GALNT13: variants seen among roughly 807,000 people sequenced by gnomAD.
The protein encoded by GALNT13 is UDP-GalNAc:polypeptide N-acetylgalactosaminyltransferase 13.
A neutral mutation model predicts 64.2 loss-of-function variants in GALNT13; 28 were observed. The observed-to-expected ratio is 0.44, with a 90% confidence interval of 0.32 to 0.60. GALNT13 has a LOEUF of 0.60. Ranked by LOEUF, GALNT13 falls within the 20% of genes least tolerant of loss-of-function variation. GALNT13 has a pLI of 0.05. For synonymous variants in GALNT13, 214 were observed against 224.6 expected (o/e 0.95, Z 0.42); for missense variants, 577 against 669.8 (o/e 0.86, Z 1.53).
the GALNT13 span, among the ~76,000 whole-genome samples, chr2:153,405,932 G>A: frequency 2.6e-5 from 4 of 152,158 alleles, no homozygotes; most frequent in African/African-American, 9.6e-5. Context: ...CAGAGTTAGA[G>A]AGCGCTTCGT....
the GALNT13 span, among the ~76,000 whole-genome samples, chr2:153,538,334 T>C: frequency 6.9e-6 from 1 of 145,416 alleles, no homozygotes; most frequent in Non-Finnish European, 1.5e-5. Flanking sequence ...TTCTTTTTTT[T>C]TTTTTTTTTA....
the GALNT13 span, among the ~76,000 whole-genome samples, chr2:153,166,673 T>A: frequency 2.6e-5 from 2 of 76,086 alleles, no homozygotes; most frequent in African/African-American, 1.2e-4. Context: ...GTGTGTGTGA[T>A]GGGACTGTTT....
At chr2:153,505,686 A>C in the GALNT13 span, among the ~76,000 whole-genome samples, 3 of 152,016 alleles carry the variant, frequency 2.0e-5, no homozygotes, top group Non-Finnish European at 4.4e-5. Context: ...GTTAGGAGTT[A>C]ATTTCCAATT....
the GALNT13 span, among the ~76,000 whole-genome samples, chr2:153,648,788 A>T: frequency 1.2e-4 from 19 of 152,062 alleles, no homozygotes; most frequent in Admixed American, 5.9e-4. Context: ...GCGTATGTTG[A>T]ACCAGCCTTG....
chr2:154,151,113 G>T (rs1459312477), intron 4 of GALNT13, among the ~76,000 whole-genome samples: 1 of 152,158 alleles, frequency 6.6e-6, no homozygotes, highest in Non-Finnish European at 1.5e-5. Context: ...GCGTCCCAGA[G>T]ATTCTGGTAT....
intron 9 of GALNT13, among the ~76,000 whole-genome samples, chr2:154,360,694 T>A (rs1524916): frequency 0.64 from 97,882 of 151,952 alleles, 32,030 homozygotes; most frequent in East Asian, 0.75. Context: ...ATTCAGTATA[T>A]CTTTATTGAG....
At chr2:153,334,998 A>C in the GALNT13 span, among the ~76,000 whole-genome samples, 2 of 151,980 alleles carry the variant, frequency 1.3e-5, no homozygotes, top group African/African-American at 2.4e-5. Context: ...CATGCTATTC[A>C]AGTGATAGTG....
intron 9 of GALNT13, among the ~76,000 whole-genome samples, chr2:154,354,981 C>T (rs1316162897): frequency 6.6e-6 from 1 of 152,050 alleles, no homozygotes; most frequent in African/African-American, 2.4e-5. Flanking sequence ...CCTGCCATAA[C>T]CCTTCCCAGT....
At chr2:153,968,869 G>A (rs1693552730) in intron 3 of GALNT13, among the ~76,000 whole-genome samples, 2 of 152,100 alleles carry the variant, frequency 1.3e-5, no homozygotes, top group African/African-American at 4.8e-5. Context: ...ATCAGTATGT[G>A]TATACATATC....
At chr2:153,871,138 C>T (rs1422690923), upstream of GALNT13, among the ~76,000 whole-genome samples, 3 of 152,154 alleles carry the variant, frequency 2.0e-5, no homozygotes, top group Admixed American at 2.0e-4. Context: ...GGTATTGGTA[C>T]AACACATTAA....
At chr2:154,311,594 C>T (rs993744183) in intron 9 of GALNT13, among the ~76,000 whole-genome samples, 2 of 152,108 alleles carry the variant, frequency 1.3e-5, no homozygotes, top group African/African-American at 4.8e-5. Context: ...GTTTTGGCAC[C>T]ATTGTCATTG....
the GALNT13 span, among the ~76,000 whole-genome samples, chr2:153,536,379 G>T: frequency 6.6e-6 from 1 of 152,156 alleles, no homozygotes; most frequent in Non-Finnish European, 1.5e-5. Flanking sequence ...GTATCTGCCT[G>T]CCTGTCTGTC....
At chr2:153,631,358 T>C in the GALNT13 span, among the ~76,000 whole-genome samples, 1 of 152,206 alleles carries the variant, frequency 6.6e-6, no homozygotes, top group Non-Finnish European at 1.5e-5. Flanking sequence ...ATGGTATTTC[T>C]AGTTCTAGAT....
chr2:153,709,617 T>C, the GALNT13 span, among the ~76,000 whole-genome samples: 2 of 152,032 alleles, frequency 1.3e-5, no homozygotes, highest in Non-Finnish European at 2.9e-5. Flanking sequence ...AATTACCATA[T>C]GATTCAGCAA....
chr2:154,411,764 T>C (rs1455833169), intron 11 of GALNT13, among the ~76,000 whole-genome samples: 2 of 151,870 alleles, frequency 1.3e-5, no homozygotes, highest in East Asian at 3.9e-4. Flanking sequence ...TGTATTTCCT[T>C]CATAATTAAA....
At chr2:153,088,448 G>A in the GALNT13 span, among the ~76,000 whole-genome samples, 2 of 152,038 alleles carry the variant, frequency 1.3e-5, no homozygotes, top group African/African-American at 4.8e-5. Context: ...CAGTTGTTGG[G>A]TAAAATGTTC....
the GALNT13 span, among the ~76,000 whole-genome samples, chr2:153,722,530 G>A: frequency 6.7e-6 from 1 of 149,508 alleles, no homozygotes; most frequent in East Asian, 2.0e-4. Context: ...CTGGTTTTTT[G>A]AAAGGATCAA....
At chr2:154,215,490 C>A (rs888581) in intron 4 of GALNT13, among the ~76,000 whole-genome samples, 128,081 of 151,952 alleles carry the variant, frequency 0.84, 54,400 homozygotes, top group African/African-American at 0.95. Flanking sequence ...CCCTCCACCA[C>A]ATTTGTCCAC....
chr2:153,237,045 G>A, the GALNT13 span, among the ~76,000 whole-genome samples: 1 of 152,058 alleles, frequency 6.6e-6, no homozygotes, highest in Non-Finnish European at 1.5e-5. Flanking sequence ...GACTTCAATG[G>A]AGGAAGTAAC....
Sources: gnomAD v4.1 joint callset for allele counts (sites outside exome capture counted in the v4.1 genomes callset) on GRCh38, gnomAD v4.1.1 for gene constraint, MANE v1.5 for transcripts, NCBI Gene and HGNC (gene_info 2026-07-23, HGNC 2026-07-21) for gene names.